OSBPL11: variants seen among roughly 807,000 people sequenced by gnomAD.
OSBPL11 encodes the protein oxysterol-binding protein-related protein 11.
OSBPL11 carries 33 observed loss-of-function variants against 84.4 expected under a neutral mutation model. The observed-to-expected ratio is 0.39, with a 90% CI of 0.30 to 0.52. The LOEUF (loss-of-function observed/expected upper bound fraction) is 0.52, where lower values mean the gene tolerates loss of function less well. Among genes scored for constraint, OSBPL11 ranks in the 20% least tolerant of loss-of-function variants. The pLI, the probability that OSBPL11 is intolerant of heterozygous loss-of-function variation, is 0.72. For synonymous variants in OSBPL11, 276 were observed against 310.2 expected (o/e 0.89, Z 1.16); for missense variants, 736 against 901.1 (o/e 0.82, Z 2.35).
chr3:125,556,231 T>G (rs1343601553), intron 8 of OSBPL11, among the ~76,000 whole-genome samples: 1 of 152,240 alleles, frequency 6.6e-6, no homozygotes, highest in African/African-American at 2.4e-5. Flanking sequence ...TACTGAAGAC[T>G]GTCATCCACA....
intron 10 of OSBPL11, among the ~76,000 whole-genome samples, chr3:125,544,491 A>G (rs976459311): frequency 6.6e-6 from 1 of 152,246 alleles, no homozygotes; most frequent in Non-Finnish European, 1.5e-5. Flanking sequence ...AGGCTAAGGT[A>G]CTGGCTTCTT....
chr3:125,558,494 T>C (rs1936026316), intron 8 of OSBPL11, among the ~76,000 whole-genome samples: 2 of 152,224 alleles, frequency 1.3e-5, no homozygotes. Flanking sequence ...TGCTTTCTAT[T>C]TAAGTTATAT....
At chr3:125,570,053 A>G (rs565309297) in intron 5 of OSBPL11, among the ~76,000 whole-genome samples, 56 of 152,274 alleles carry the variant, frequency 3.7e-4, no homozygotes, top group Non-Finnish European at 6.2e-4. Context: ...AAAGTTTAAC[A>G]AAGGAAAAAG....
At chr3:125,548,638 C>T (rs1935854978) in intron 9 of OSBPL11, among the ~76,000 whole-genome samples, 1 of 151,890 alleles carries the variant, frequency 6.6e-6, no homozygotes, top group African/African-American at 2.4e-5. Flanking sequence ...AGCTACATTA[C>T]TAACCTTCTA....
chr3:125,551,965 G>A (rs1367485861), intron 9 of OSBPL11, among the ~76,000 whole-genome samples: 1 of 151,806 alleles, frequency 6.6e-6, no homozygotes, highest in African/African-American at 2.4e-5. Flanking sequence ...TTTATCTGGG[G>A]TTCCTAAATT....
chr3:125,549,750 G>C (rs1455992932), intron 9 of OSBPL11, among the ~76,000 whole-genome samples: 1 of 152,098 alleles, frequency 6.6e-6, no homozygotes, highest in East Asian at 1.9e-4. Context: ...GCCCACCAAA[G>C]TGTTGAGATT....
intron 8 of OSBPL11, among the ~76,000 whole-genome samples, chr3:125,554,179 C>T (rs1935955902): frequency 6.6e-6 from 1 of 152,164 alleles, no homozygotes; most frequent in South Asian, 2.1e-4. Flanking sequence ...GAGGTTTAGC[C>T]TCTGGATAAA....
intron 10 of OSBPL11, among the ~76,000 whole-genome samples, chr3:125,542,981 T>C (rs1343241447): frequency 6.6e-6 from 1 of 152,002 alleles, no homozygotes; most frequent in Non-Finnish European, 1.5e-5. Flanking sequence ...TCTGAAATAC[T>C]TGATAATTCT....
chr3:125,564,657 CTT>C (rs1350380765), intron 6 of OSBPL11, among the ~76,000 whole-genome samples: 19 of 140,936 alleles, frequency 1.3e-4, no homozygotes, highest in Admixed American at 2.1e-4. Context: ...ATGTATTATC[CTT>C]TTTTTTTTTT....
intron 9 of OSBPL11, 83 bp from the exon 10 acceptor site, chr3:125,547,675 T>G: frequency 9.2e-7 from 1 of 1,087,134 alleles, no homozygotes; most frequent in South Asian, 1.8e-5. Flanking sequence ...TGTTCTTGTC[T>G]AGTAAATAAG....
intron 1 of OSBPL11, among the ~76,000 whole-genome samples, chr3:125,587,380 C>G (rs1037869526): frequency 3.3e-5 from 5 of 152,090 alleles, no homozygotes; most frequent in Admixed American, 6.6e-5. Context: ...CAGGACTATA[C>G]AGGGAGATAT....
intron 9 of OSBPL11, among the ~76,000 whole-genome samples, chr3:125,549,905 G>C (rs1490584497): frequency 6.6e-6 from 1 of 152,008 alleles, no homozygotes; most frequent in African/African-American, 2.4e-5. Flanking sequence ...CAAAGAATAT[G>C]GTTCTAAATG....
chr3:125,585,138 T>A (rs1000185471), intron 1 of OSBPL11, among the ~76,000 whole-genome samples: 10 of 152,210 alleles, frequency 6.6e-5, no homozygotes, highest in Admixed American at 1.3e-4. Flanking sequence ...CTCTTTTTTT[T>A]ATTTTTAATT....
At chr3:125,537,345 T>C (rs1935655792) in intron 11 of OSBPL11, among the ~76,000 whole-genome samples, 1 of 152,136 alleles carries the variant, frequency 6.6e-6, no homozygotes, top group Non-Finnish European at 1.5e-5. Context: ...CCACCAGTGC[T>C]ACCCACAGCA....
Position 125,547,467 on chromosome 3 carries a change from T to C in OSBPL11, c.1780A>G (p.Thr594Ala). The change falls in exon 10 of 13, where the codon ACT becomes GCT. Residue 594 changes from threonine (T) to alanine (A), a missense_variant. By Grantham distance (58) the Thr-to-Ala change is moderately conservative (BLOSUM62 0). Coordinates refer to ENST00000296220, the MANE Select transcript of OSBPL11 (RefSeq NM_022776.5). ...GGKVSVNCAK[T>A]GYSASITFHT... Reference sequence around the variant, plus strand: ...AAAGTGATGCTGGCTGAATATCCAGTTTTTGCACAGTTGACACTGACTTTG... The same window carrying C: ...AAAGTGATGCTGGCTGAATATCCAGCTTTTGCACAGTTGACACTGACTTTG... The C allele has an allele frequency of 6.2e-7, 1 of 1,614,014 alleles. No homozygotes were observed. Among genetic ancestry groups the C allele is most frequent in the Non-Finnish European group, 8.5e-7 (1 of 1,179,982 alleles).
chr3:125,572,618 T>G (rs1395463916), intron 5 of OSBPL11, among the ~76,000 whole-genome samples: 2 of 151,984 alleles, frequency 1.3e-5, no homozygotes, highest in Non-Finnish European at 2.9e-5. Context: ...GGAGTTCCCC[T>G]GCACAAGTTT....
intron 4 of OSBPL11, among the ~76,000 whole-genome samples, chr3:125,577,215 A>G (rs144097075): frequency 4.1e-4 from 61 of 149,832 alleles, no homozygotes; most frequent in African/African-American, 1.1e-3. Context: ...AAGAACGATT[A>G]AAAAAAAAAT....
intron 10 of OSBPL11, among the ~76,000 whole-genome samples, chr3:125,544,596 G>A (rs1280830492): frequency 6.6e-6 from 1 of 152,074 alleles, no homozygotes; most frequent in African/African-American, 2.4e-5. Flanking sequence ...GCAATTGAAA[G>A]GCTGTCTTAA....
rs764208134 is a variant in OSBPL11 at position 125,594,629 on chromosome 3, G to A, written c.164+8C>T. The A allele has an allele frequency of 6.8e-6, 11 of 1,612,224 alleles. No individual in the cohort carries two copies. The highest frequency in any genetic ancestry group is 5.5e-5 in the South Asian group (5 of 90,970). On this transcript the variant is annotated splice_region_variant and intron_variant, in intron 1 of 12. Coordinates refer to ENST00000296220, the MANE Select transcript of OSBPL11 (RefSeq NM_022776.5). ...CCTCGGGAAATAATTTTGGAGAAAG[G>A]AGCATACCTGTACTGCCAGCCTTTT...
Sources: allele counts gnomAD v4.1 joint callset (sites outside exome capture counted in the v4.1 genomes callset), GRCh38; gene constraint gnomAD v4.1.1; transcripts MANE v1.5; gene names NCBI Gene and HGNC (gene_info 2026-07-23, HGNC 2026-07-21).